Variants in CLEC2B observed in about 807,000 individuals in gnomAD.
CLEC2B encodes the protein C-type lectin domain family 2 member B.
CLEC2B carries 14 observed loss-of-function variants against 16.2 expected under a neutral mutation model. That is an observed-to-expected ratio of 0.86 (90% CI 0.57 to 1.35). The LOEUF (loss-of-function observed/expected upper bound fraction) is 1.35, where lower values mean the gene tolerates loss of function less well. Among genes scored for constraint, CLEC2B ranks in the 40% most tolerant of loss-of-function variants. CLEC2B has a pLI of 0.00. For synonymous variants in CLEC2B, 42 were observed against 55.8 expected (o/e 0.75, Z 1.10); for missense variants, 166 against 182.3 (o/e 0.91, Z 0.52).
At chr12:9,860,013 C>A (rs1026476116) in intron 2 of CLEC2B, among the ~76,000 whole-genome samples, 3 of 151,452 alleles carry the variant, frequency 2.0e-5, no homozygotes, top group Non-Finnish European at 3.0e-5. Context: ...AATAAAACAC[C>A]TTTAATCTGA....
At chr12:9,861,414 A>G (rs1271752519) in intron 2 of CLEC2B, among the ~76,000 whole-genome samples, 1 of 152,090 alleles carries the variant, frequency 6.6e-6, no homozygotes, top group Admixed American at 6.6e-5. Flanking sequence ...AATTGATAAA[A>G]CCAACAATAA....
In CLEC2B at chr12:9,853,061, G is replaced by GAAA; in HGVS notation, c.*236_*238dup. 1 of 274,362 alleles carries GAAA rather than the reference G, an allele frequency of 3.6e-6. No individual in the cohort carries two copies. Among genetic ancestry groups the GAAA allele is most frequent in the South Asian group, 3.7e-5 (1 of 27,020 alleles). 17.0% of individuals were successfully genotyped at this position (274,362 alleles called of 1,614,324 possible). A position where few individuals can be genotyped will look rare whatever the true frequency, so the allele number is the denominator to read the frequency against. ...GTTTTCTGGTTTACAGTTAAAAAAA[G>GAAA]AAAGAAAGAAAGAAAGAAAGAAAGA... On this transcript the variant is annotated 3_prime_UTR_variant, in exon 5 of 5. Coordinates refer to ENST00000228438, the MANE Select transcript of CLEC2B (RefSeq NM_005127.3).
At chr12:9,865,841 A>G (rs1591770724) in intron 1 of CLEC2B, among the ~76,000 whole-genome samples, 1 of 152,218 alleles carries the variant, frequency 6.6e-6, no homozygotes, top group East Asian at 1.9e-4. Context: ...CTAGAAGTCA[A>G]TAACTTGAGA....
chr12:9,857,540 A>T lies in CLEC2B; in HGVS notation c.171T>A (p.Asn57Lys). ...YYFSKEEGDW[N>K]SSKYNCSTQH... Reference sequence around the variant, plus strand: ...GAGTGGAACAGTTGTATTTACTTGAATTCCAATCTCCTTCTTCTTTAGAGA... The same window carrying T: ...GAGTGGAACAGTTGTATTTACTTGATTTCCAATCTCCTTCTTCTTTAGAGA... Residue 57 changes from asparagine (N) to lysine (K), a missense_variant, in exon 3 of 5, where the codon AAT (asparagine) becomes AAA (lysine). Coordinates refer to ENST00000228438, the MANE Select transcript of CLEC2B (RefSeq NM_005127.3). 3 of 1,611,494 alleles carry T rather than the reference A, an allele frequency of 1.9e-6. No individual in the cohort carries two copies. The highest frequency in any genetic ancestry group is 2.2e-5 in the South Asian group (2 of 91,014).
chr12:9,854,440 T>A lies in CLEC2B; in HGVS notation c.282A>T (p.Gly94=). 1 of 1,613,738 alleles carries A rather than the reference T, an allele frequency of 6.2e-7. No homozygotes were observed. The highest frequency in any genetic ancestry group is 1.1e-5 in the South Asian group (1 of 91,074). ...RYKCSSDHWI[G]LKMAKNRTGQ... ...CTGTTCGATTTTTTGCCATCTTCAG[T>A]CCAATCCAGTGATCAGAACTGCATT... is the stretch of plus-strand genomic sequence containing the variant. The change falls in exon 4 of 5, where the codon GGA becomes GGT. Residue 94 remains glycine, a synonymous_variant. Transcript: ENST00000228438.
rs759560395 is a variant in CLEC2B, at chr12:9,857,530, A to T, written c.181T>A (p.Tyr61Asn). The change falls in exon 3 of 5, where the codon TAC becomes AAC. Residue 61 changes from tyrosine (Y) to asparagine (N), a missense_variant. By Grantham distance (143) the Tyr-to-Asn change is moderately radical. Transcript: ENST00000228438. ...KEEGDWNSSKYNCSTQHADLT... is the reference protein window; with the variant it reads ...KEEGDWNSSKNNCSTQHADLT... Reference sequence around the variant, plus strand: ...TCGGCATGTTGAGTGGAACAGTTGTATTTACTTGAATTCCAATCTCCTTCT... The same window carrying T: ...TCGGCATGTTGAGTGGAACAGTTGTTTTTACTTGAATTCCAATCTCCTTCT... 15 of 1,611,550 alleles carry T rather than the reference A, an allele frequency of 9.3e-6. 1 individual carries two copies. The South Asian group carries it at 1.3e-4, about 14-fold the overall frequency.
At position 9,865,763 on chromosome 12, in the gene CLEC2B, C is replaced by A. The variant is rs191597724; in HGVS notation, c.-2-3190G>T. Reference sequence around the variant, plus strand: ...ACAGACCACATTGTAGGCCAAAAAACAAGTCTCAATAAATTAAAAAAAGTA... The same window carrying A: ...ACAGACCACATTGTAGGCCAAAAAAAAAGTCTCAATAAATTAAAAAAAGTA... On this transcript the variant is annotated intron_variant, in intron 1 of 4. Coordinates refer to ENST00000228438, the MANE Select transcript of CLEC2B (RefSeq NM_005127.3). Among the ~76,000 whole-genome samples the A allele has an allele frequency of 1.1e-4, 17 of 152,154 alleles. No homozygotes were observed. The East Asian group carries it at 2.7e-3, about 24-fold the overall frequency.
At chr12:9,859,781 G>A (rs1044361272) in intron 2 of CLEC2B, among the ~76,000 whole-genome samples, 2 of 151,696 alleles carry the variant, frequency 1.3e-5, no homozygotes, top group African/African-American at 4.8e-5. Context: ...TTATGAAGAC[G>A]TAGGATATAT....
intron 3 of CLEC2B, chr12:9,854,944 T>C (rs1472411917): frequency 6.1e-6 from 1 of 163,272 alleles, no homozygotes; most frequent in Admixed American, 6.4e-5. Flanking sequence ...CACATCCTCA[T>C]ATATCCAGTT....
chr12:9,862,354 T>C, intron 2 of CLEC2B, 145 bp downstream of exon 2: 3 of 726,656 alleles, frequency 4.1e-6, no homozygotes, highest in Non-Finnish European at 5.9e-6. Context: ...ATGTAATTAA[T>C]AAAATTTATT....
chr12:9,868,207 A>G (rs1016765652), intron 1 of CLEC2B, among the ~76,000 whole-genome samples: 40 of 151,292 alleles, frequency 2.6e-4, no homozygotes, highest in African/African-American at 9.4e-4. Context: ...ATAAATTTAT[A>G]CAATTGATTG....
At position 9,852,717 on chromosome 12, in the gene CLEC2B, G is replaced by A. The variant is rs990774298; in HGVS notation, c.*583C>T. ...GTAAAGCCAGTTAGCAAACACATACGGTGTGTGATCTCCTCCTCACCTTCA... is the reference window on the plus strand; with the variant it reads ...GTAAAGCCAGTTAGCAAACACATACAGTGTGTGATCTCCTCCTCACCTTCA... On this transcript the variant is annotated 3_prime_UTR_variant, in exon 5 of 5. Transcript: ENST00000228438. Among the ~76,000 whole-genome samples the A allele has an allele frequency of 2.6e-5, 4 of 152,030 alleles. No individual in the cohort carries two copies. The highest frequency in any genetic ancestry group is 1.3e-4 in the Admixed American group (2 of 15,252).
rs377043184 is a variant in CLEC2B, at chr12:9,853,069, G to GA, written c.*230dup. 4.3e-6 allele frequency: 1 copy of GA among 232,456 alleles called. No individual in the cohort carries two copies. The highest frequency in any genetic ancestry group is 9.7e-5 in the Admixed American group (1 of 10,304). 14.4% of individuals were successfully genotyped at this position (232,456 alleles called of 1,614,324 possible). On this transcript the variant is annotated 3_prime_UTR_variant, in exon 5 of 5. Coordinates refer to ENST00000228438, the MANE Select transcript of CLEC2B (RefSeq NM_005127.3). Reference sequence around the variant, plus strand: ...GTTTACAGTTAAAAAAAGAAAGAAAGAAAGAAAGAAAGAAAGAGAGAGAGA... The same window carrying GA: ...GTTTACAGTTAAAAAAAGAAAGAAAGAAAAGAAAGAAAGAAAGAGAGAGAGA...
chr12:9,857,767 G>A, intron 2 of CLEC2B, 130 bp from the exon 3 acceptor site: 2 of 716,980 alleles, frequency 2.8e-6, no homozygotes, highest in Non-Finnish European at 4.5e-6. Flanking sequence ...TCTATTATAT[G>A]ATAAGTTGAA....
chr12:9,862,611 G>T, intron 1 of CLEC2B, 38 bp from the exon 2 acceptor site: 4 of 1,368,700 alleles, frequency 2.9e-6, no homozygotes, highest in Non-Finnish European at 3.8e-6. Flanking sequence ...GAGACTTCTG[G>T]CTCCAAAATG....
chr12:9,862,157 T>C (rs1256011100), intron 2 of CLEC2B, among the ~76,000 whole-genome samples: 1 of 152,146 alleles, frequency 6.6e-6, no homozygotes, highest in African/African-American at 2.4e-5. Flanking sequence ...AATTGTATAT[T>C]GTATTTTATA....
At chr12:9,860,058 GA>G (rs1867922031) in intron 2 of CLEC2B, among the ~76,000 whole-genome samples, 1 of 151,428 alleles carries the variant, frequency 6.6e-6, no homozygotes, top group South Asian at 2.1e-4. Flanking sequence ...ACTAAATTGG[GA>G]AATATTAAAA....
intron 4 of CLEC2B, among the ~76,000 whole-genome samples, chr12:9,853,645 G>A (rs142567081): frequency 1.3e-3 from 204 of 152,274 alleles, no homozygotes; most frequent in African/African-American, 4.7e-3. Flanking sequence ...CTATCAGTTC[G>A]TATAAACCAA....
intron 1 of CLEC2B, among the ~76,000 whole-genome samples, chr12:9,868,235 T>G (rs1026341617): frequency 2.0e-5 from 3 of 151,738 alleles, no homozygotes; most frequent in Admixed American, 1.3e-4. Context: ...AAAATAACAC[T>G]GGTTTTACTA....
Sources: allele counts gnomAD v4.1 joint callset (sites outside exome capture counted in the v4.1 genomes callset), GRCh38; gene constraint gnomAD v4.1.1; transcripts MANE v1.5; gene names NCBI Gene and HGNC (gene_info 2026-07-23, HGNC 2026-07-21).